The following RNF207 variants were observed in gnomAD, a reference collection of about 807,000 sequenced individuals.
RNF207 encodes the protein ring finger protein 207.
In RNF207, 72 loss-of-function variants were observed where a neutral mutation model predicts 79.0. The ratio of observed to expected loss-of-function variants is 0.91; its 90% CI spans 0.75 to 1.11. The LOEUF (loss-of-function observed/expected upper bound fraction) is 1.11, where lower values mean the gene tolerates loss of function less well. RNF207 is among the 50% of genes least tolerant of loss of function. The pLI is 0.00. For missense variants in RNF207, 936 were observed against 855.8 expected, an observed-to-expected ratio of 1.09 and a Z score of -1.17; for synonymous variants, 348 against 366.2, an observed-to-expected ratio of 0.95 and a Z score of 0.57.
chr1:6,221,195 G>A lies in RNF207; in HGVS notation c.*1788G>A, dbSNP rs1365119982. On this transcript the variant is annotated 3_prime_UTR_variant, in exon 18 of 18. Transcript: ENST00000377939. The stretch of plus-strand genomic sequence containing the variant: ...CATCCCAGACAATCACACTGTGGTT[G>A]AGTGAAATCAAGTGCAGTTTTATTT... The A allele has an allele frequency of 6.6e-6, 1 of 152,602 alleles. No homozygotes were observed. Among genetic ancestry groups the A allele is most frequent in the Non-Finnish European group, 1.5e-5 (1 of 68,058 alleles). 9.5% of individuals were successfully genotyped at this position (152,602 alleles called of 1,614,324 possible).
chr1:6,219,473 G>T lies in RNF207; in HGVS notation c.*66G>T, dbSNP rs1208542927. 3 of 1,196,390 alleles carry T rather than the reference G, an allele frequency of 2.5e-6. No individual in the cohort carries two copies. The highest frequency in any genetic ancestry group is 3.5e-6 in the Non-Finnish European group (3 of 858,040). 74.1% of individuals were successfully genotyped at this position (1,196,390 alleles called of 1,614,324 possible). A position where few individuals can be genotyped will look rare whatever the true frequency, so the allele number is the denominator to read the frequency against. On this transcript the variant is annotated 3_prime_UTR_variant, in exon 18 of 18. Coordinates refer to ENST00000377939, the MANE Select transcript of RNF207 (RefSeq NM_207396.3). ...CACAAGACTGGGACACTGGACAGAAGGTTGTTCCCATGATGGTTTTTTTTA... is the reference window on the plus strand; with the variant it reads ...CACAAGACTGGGACACTGGACAGAATGTTGTTCCCATGATGGTTTTTTTTA...
rs1371682303 is a variant in RNF207, at chr1:6,211,108, G to A, written c.1099G>A (p.Gly367Ser). ...GPRRVAAAAS[G>S]ANTLAGGLGP... ...ACGTCGGGTGGCAGCTGCTGCAAGT[G>A]GTGCTAACACGTGAGCAGCAACCGG... The change falls in exon 12 of 18, where the codon GGT becomes AGT. Residue 367 changes from glycine (G) to serine (S), a missense_variant. Transcript: ENST00000377939. This position sits in a 1 kb window ranked among gnomAD's most constrained non-coding sequence, Gnocchi z 4.2. The A allele has an allele frequency of 2.5e-6, 4 of 1,594,368 alleles. No homozygotes were observed. The highest frequency in any genetic ancestry group is 3.4e-5 in the Admixed American group (2 of 58,886).
rs764722464 is a variant in RNF207, at chr1:6,208,910, G to A, written c.354G>A (p.Thr118=). ...QDVETTYFCN[T]CGQPLCARCR... Reference sequence around the variant, plus strand: ...TGGAGACCACGTACTTCTGCAACACGTGCGGACAGCCCCTATGCGCGCGCT... The same window carrying A: ...TGGAGACCACGTACTTCTGCAACACATGCGGACAGCCCCTATGCGCGCGCT... Residue 118 remains threonine, a synonymous_variant, in exon 4 of 18, where the codon ACG becomes ACA. Coordinates refer to ENST00000377939, the MANE Select transcript of RNF207 (RefSeq NM_207396.3). The A allele has an allele frequency of 6.5e-7, 1 of 1,533,650 alleles. No homozygotes were observed. The highest frequency in any genetic ancestry group is 8.7e-7 in the Non-Finnish European group (1 of 1,145,198).
intron 11 of RNF207, 39 bp downstream of exon 11, chr1:6,210,977 G>A: frequency 1.3e-6 from 2 of 1,598,450 alleles, no homozygotes; most frequent in Non-Finnish European, 1.7e-6. Context: ...CGGGGGCCCT[G>A]CAGGGCAGTG....
Position 6,219,581 on chromosome 1 carries a change from C to G in RNF207, c.*174C>G. 2.5e-6 allele frequency: 1 copy of G among 405,486 alleles called. No homozygotes were observed. The highest frequency in any genetic ancestry group is 4.5e-6 in the Non-Finnish European group (1 of 223,032). 25.1% of individuals were successfully genotyped at this position (405,486 alleles called of 1,614,324 possible). A position where few individuals can be genotyped will look rare whatever the true frequency, so the allele number is the denominator to read the frequency against. On this transcript the variant is annotated 3_prime_UTR_variant, in exon 18 of 18. Coordinates refer to ENST00000377939, the MANE Select transcript of RNF207 (RefSeq NM_207396.3). ...AATCTCGGCTCACTGCAACCTCTGC[C>G]TCCTGGGTTCAAGCGATTCTCCTGC...
At chr1:6,209,374 C>CG in intron 6 of RNF207, 31 bp downstream of exon 6, 1 of 1,526,774 alleles carries the variant, frequency 6.5e-7, no homozygotes, top group Non-Finnish European at 8.8e-7. Context: ...CGCGGGGCCG[C>CG]GCGGCGGCGA....
In RNF207 at chr1:6,215,353, A is replaced by G. The variant is rs542274996; in HGVS notation, c.1652+2170A>G. Among the ~76,000 whole-genome samples the G allele has an allele frequency of 1.5e-3, 188 of 123,308 alleles. 2 individuals carry two copies. Among genetic ancestry groups the G allele is most frequent in the Middle Eastern group, 5.1e-3 (1 of 196 alleles). 80.9% of individuals were successfully genotyped at this position (123,308 alleles called of 152,430 possible). On this transcript the variant is annotated intron_variant, in intron 16 of 17. Transcript: ENST00000377939. The stretch of plus-strand genomic sequence containing the variant: ...CCCCTTTTTTTTTTTTTTTTTTGAG[A>G]TGGGGTCTTGCCATGTTGCCCAAGC...
Position 6,210,286 on chromosome 1 carries a change from C to T in RNF207, c.864C>T (p.Pro288=). 1.1e-5 allele frequency: 18 copies of T among 1,613,890 alleles called. No homozygotes were observed. Among genetic ancestry groups the T allele is most frequent in the Non-Finnish European group, 1.5e-5 (18 of 1,179,852 alleles). ...EQLSHLATLL[P]TLQVHLVICS... ...TCTCTCACTTGGCCACCTTGCTGCC[C>T]ACCCTGCAGGTACAGGGAGCTCGGG... Residue 288 remains proline (P), a synonymous_variant, in exon 9 of 18, where the codon CCC becomes CCT. Transcript: ENST00000377939.
In RNF207 at chr1:6,213,419, G is replaced by C. The variant is rs528112196; in HGVS notation, c.1652+236G>C. Among the ~76,000 whole-genome samples the C allele has an allele frequency of 4.0e-5, 6 of 151,766 alleles. No homozygotes were observed. In the East Asian group the frequency reaches 1.2e-3, roughly 29 times the overall value. ...GCCTGTAATCCCAGCTACTGGGGAG[G>C]CTGAGGCACGACAATCTACAGCCTG... On this transcript the variant is annotated intron_variant, in intron 16 of 17. Coordinates refer to ENST00000377939, the MANE Select transcript of RNF207 (RefSeq NM_207396.3).
At chr1:6,216,412 G>A (rs1668361999) in intron 16 of RNF207, among the ~76,000 whole-genome samples, 2 of 152,282 alleles carry the variant, frequency 1.3e-5, no homozygotes, top group South Asian at 2.1e-4. Context: ...GTGGATGTCT[G>A]CAGTTGCTCC....
rs1668070158 is a variant in RNF207, at chr1:6,209,548, TG to T, written c.753+14del. The T allele has an allele frequency of 6.9e-7, 1 of 1,444,520 alleles. No individual in the cohort carries two copies. The allele number at this position is 1,444,520 out of a possible 1,614,324, so 89.5% of individuals were successfully genotyped here. On this transcript the variant is annotated intron_variant, in intron 7 of 17. Transcript: ENST00000377939. Reference sequence around the variant, plus strand: ...TCTTCGGCAGCATGCAGGTGAGGGGTGGGGGTTGGGGGATAAACGACCCAGC... The same window carrying T: ...TCTTCGGCAGCATGCAGGTGAGGGGTGGGGTTGGGGGATAAACGACCCAGC...
chr1:6,210,138 C>T, intron 8 of RNF207, 85 bp from the exon 9 acceptor site: 12 of 1,361,800 alleles, frequency 8.8e-6, no homozygotes, highest in East Asian at 4.6e-5. Context: ...CAGGGACGGA[C>T]ATGCGAAGCT....
In RNF207 at chr1:6,206,558, C is replaced by A; in HGVS notation, c.23C>A (p.Pro8His). MSGAIFG[P>H]LEGPSSLDAP... is the part of the protein sequence containing the mutation. ...CAGATGTCGGGAGCTATCTTCGGGC[C>A]CCTGGAGGGCCCGAGCTCCCTGGAT... Residue 8 changes from proline (P) to histidine (H), a missense_variant, in exon 2 of 18, where the codon CCC (proline) becomes CAC (histidine). Coordinates refer to ENST00000377939, the MANE Select transcript of RNF207 (RefSeq NM_207396.3). 3.1e-6 allele frequency: 5 copies of A among 1,592,026 alleles called. No individual in the cohort carries two copies. Among genetic ancestry groups the A allele is most frequent in the Non-Finnish European group, 4.3e-6 (5 of 1,176,142 alleles).
rs1667918452 is a variant in RNF207, at chr1:6,206,715, C to T, written c.180C>T (p.Cys60=). ...GCGCGACCGACGGCCGCCTCACCTG[C>T]CCGCTGTGCCAGTAAGTGTCCCAAA... ...RGRATDGRLT[C]PLCQHQTVLK... Residue 60 remains cysteine (C), a synonymous_variant, in exon 2 of 18, where the codon TGC becomes TGT. Coordinates refer to ENST00000377939, the MANE Select transcript of RNF207 (RefSeq NM_207396.3). 2 of 1,601,110 alleles carry T rather than the reference C, an allele frequency of 1.2e-6. No individual in the cohort carries two copies. Among genetic ancestry groups the T allele is most frequent in the Non-Finnish European group, 8.5e-7 (1 of 1,179,686 alleles).
chr1:6,210,797 G>A (rs1055557170), intron 10 of RNF207, 73 bp from the exon 11 acceptor site: 14 of 1,331,786 alleles, frequency 1.1e-5, no homozygotes, highest in African/African-American at 7.3e-5. Flanking sequence ...GACGTGCTCC[G>A]CCTCCATCTC....
intron 3 of RNF207, chr1:6,208,101 A>G (rs556728577): frequency 4.4e-6 from 1 of 225,212 alleles, no homozygotes; most frequent in African/African-American, 2.2e-5. Flanking sequence ...TATGTCCATC[A>G]TTGCATGCGT....
chr1:6,216,656 G>A (rs1668370848), intron 16 of RNF207, among the ~76,000 whole-genome samples: 1 of 151,702 alleles, frequency 6.6e-6, no homozygotes, highest in Non-Finnish European at 1.5e-5. Context: ...CGCCTCCCGG[G>A]TTCAAGCGAT....
Position 6,213,080 on chromosome 1 carries a change from C to T in RNF207, c.1549C>T (p.Leu517Phe), listed in dbSNP as rs780573668. Reference protein sequence around the residue: ...QEIYEAQLHDLLQLRQENAYL... With the variant: ...QEIYEAQLHDFLQLRQENAYL... Reference sequence around the variant, plus strand: ...TGGCCCCACAGCCCAGCTCCATGACCTTCTCCAGCTGAGGCAGGAGAATGC... The same window carrying T: ...TGGCCCCACAGCCCAGCTCCATGACTTTCTCCAGCTGAGGCAGGAGAATGC... Residue 517 changes from leucine (L) to phenylalanine (F), a missense_variant, in exon 16 of 18, where the codon CTT becomes TTT. Physicochemically the swap from Leu to Phe is conservative, Grantham distance 22. Coordinates refer to ENST00000377939, the MANE Select transcript of RNF207 (RefSeq NM_207396.3). The T allele has an allele frequency of 3.7e-6, 6 of 1,612,060 alleles. No homozygotes were observed. In the East Asian group the frequency reaches 8.9e-5, roughly 24 times the overall value.
Position 6,209,174 on chromosome 1 carries a change from C to T in RNF207, c.529C>T (p.Arg177Cys), listed in dbSNP as rs201564865. 8 of 1,555,784 alleles carry T rather than the reference C, an allele frequency of 5.1e-6. No individual in the cohort carries two copies. Among genetic ancestry groups the T allele is most frequent in the Non-Finnish European group, 7.0e-6 (8 of 1,149,332 alleles). The change falls in exon 5 of 18, where the codon CGC (arginine) becomes TGC (cysteine). Residue 177 changes from arginine (R) to cysteine (C), a missense_variant. Transcript: ENST00000377939. ...STDKKLLLCIRCFRDMQKESR... is the reference protein window; with the variant it reads ...STDKKLLLCICCFRDMQKESR... ...CGACAAGAAGTTGCTGTTGTGCATC[C>T]GCTGCTTCCGCGACATGCAGAAGTG...
Sources: allele counts gnomAD v4.1 joint callset (sites outside exome capture counted in the v4.1 genomes callset), GRCh38; gene constraint gnomAD v4.1.1; non-coding constraint Gnocchi (gnomAD v3.1); transcripts MANE v1.5; gene names NCBI Gene and HGNC (gene_info 2026-07-23, HGNC 2026-07-21).